Variants in CUL3 observed in about 807,000 individuals in gnomAD.
CUL3 encodes the protein cullin-3.
In CUL3, 19 loss-of-function variants were observed where a neutral mutation model predicts 89.1. That is an observed-to-expected ratio of 0.21 (90% confidence interval 0.15 to 0.31). The LOEUF (loss-of-function observed/expected upper bound fraction) is 0.31, where lower values mean the gene tolerates loss of function less well. CUL3 is among the 10% of genes least tolerant of loss of function. CUL3 has a pLI of 1.00. For missense variants in CUL3, 469 were observed against 942.3 expected (o/e 0.50, Z 6.58); for synonymous variants, 351 against 308.4 (o/e 1.14, Z -1.45).
chr2:224,499,030 CA>C (rs993582946), intron 11 of CUL3, among the ~76,000 whole-genome samples: 8 of 152,132 alleles, frequency 5.3e-5, no homozygotes, highest in African/African-American at 1.4e-4. Context: ...GAATACTCAA[CA>C]AAGATCCAGG....
intron 15 of CUL3, among the ~76,000 whole-genome samples, chr2:224,476,030 G>GT (rs36057054): frequency 0.018 from 2,705 of 147,582 alleles, 33 homozygotes; most frequent in Middle Eastern, 0.031. Flanking sequence ...TTTTTTATTA[G>GT]TTTTTTTTTT....
chr2:224,567,653 T>C (rs1695076488), intron 1 of CUL3, among the ~76,000 whole-genome samples: 2 of 151,422 alleles, frequency 1.3e-5, no homozygotes, highest in Admixed American at 1.3e-4. Flanking sequence ...GGCAGGAGAA[T>C]GGCGTGAACC....
chr2:224,505,650 A>G (rs1004298454), intron 8 of CUL3: 16 of 170,826 alleles, frequency 9.4e-5, no homozygotes, highest in Non-Finnish European at 1.2e-4. Flanking sequence ...TAACAAGGCT[A>G]ATTTCAAACT....
chr2:224,534,468 CCT>C (rs1217179284), intron 3 of CUL3, among the ~76,000 whole-genome samples: 8 of 152,214 alleles, frequency 5.3e-5, no homozygotes, highest in African/African-American at 1.9e-4. Context: ...AATATGACAT[CCT>C]CTCTCACTGA....
chr2:224,579,923 T>G (rs1559247100), intron 1 of CUL3, among the ~76,000 whole-genome samples: 1 of 152,226 alleles, frequency 6.6e-6, no homozygotes, highest in South Asian at 2.1e-4. Flanking sequence ...CAAACCCATG[T>G]GGGCAAAACC....
At chr2:224,514,505 G>C in intron 4 of CUL3, 107 bp downstream of exon 4, 1 of 945,058 alleles carries the variant, frequency 1.1e-6, no homozygotes, top group Non-Finnish European at 1.5e-6. Flanking sequence ...TTCCCAATGT[G>C]CTCAACATTC....
rs1016377367 is a variant in CUL3, at chr2:224,585,351, G to A, written c.-342C>T. On this transcript the variant is annotated 5_prime_UTR_variant, in exon 1 of 16. Coordinates refer to ENST00000264414, the MANE Select transcript of CUL3 (RefSeq NM_003590.5). Reference sequence around the variant, plus strand: ...GGACAAACATCTCACTGCGCAGGCCGAACGTCGTCCTCCTCCTCCTCCTTC... The same window carrying A: ...GGACAAACATCTCACTGCGCAGGCCAAACGTCGTCCTCCTCCTCCTCCTTC... The A allele has an allele frequency of 7.5e-6, 3 of 401,056 alleles. No individual in the cohort carries two copies. The highest frequency in any genetic ancestry group is 2.1e-5 in the African/African-American group (1 of 48,660). 24.8% of individuals were successfully genotyped at this position (401,056 alleles called of 1,614,324 possible).
At chr2:224,522,969 G>A (rs1259995679) in intron 3 of CUL3, among the ~76,000 whole-genome samples, 1 of 152,090 alleles carries the variant, frequency 6.6e-6, no homozygotes, top group East Asian at 1.9e-4. Context: ...CTCTAAAGTT[G>A]TGTAAACTGC....
In CUL3 at chr2:224,511,387, G is replaced by T. The variant is rs749336364; in HGVS notation, c.850C>A (p.Leu284Ile). 6.2e-7 allele frequency: 1 copy of T among 1,612,270 alleles called. No individual in the cohort carries two copies. Among genetic ancestry groups the T allele is most frequent in the Non-Finnish European group, 8.5e-7 (1 of 1,178,892 alleles). ...TTTCCATTTTTCAACATATGTACTA[G>T]CCCAGAATTCTCCATTTCTACTATA... ...KTIVEMENSG[L>I]VHMLKNGKTE... The change falls in exon 6 of 16, where the codon CTA (leucine) becomes ATA (isoleucine). Residue 284 changes from leucine to isoleucine, a missense_variant. By Grantham distance (5) the Leu-to-Ile change is conservative (BLOSUM62 2). This residue lies in a region of CUL3 where 370 missense variants were observed against 733.2 expected (regional missense o/e 0.50). Transcript: ENST00000264414.
chr2:224,502,116 T>C (rs3820761), intron 10 of CUL3, among the ~76,000 whole-genome samples: 28,063 of 152,020 alleles, frequency 0.18, 2,936 homozygotes, highest in South Asian at 0.27. Flanking sequence ...AATGTTTTCA[T>C]AGAAATGAAT....
intron 13 of CUL3, among the ~76,000 whole-genome samples, chr2:224,489,623 T>C (rs1266122202): frequency 6.6e-6 from 1 of 152,158 alleles, no homozygotes; most frequent in African/African-American, 2.4e-5. Flanking sequence ...ATAGGAAGAA[T>C]CAATATTGTG....
At chr2:224,488,512 C>A (rs549208757) in intron 13 of CUL3, among the ~76,000 whole-genome samples, 1 of 152,252 alleles carries the variant, frequency 6.6e-6, no homozygotes, top group East Asian at 1.9e-4. Flanking sequence ...ACTAGAAAAT[C>A]TGGAAGAAAT....
intron 13 of CUL3, among the ~76,000 whole-genome samples, chr2:224,490,306 T>C (rs1182092896): frequency 1.3e-5 from 2 of 152,172 alleles, no homozygotes; most frequent in Non-Finnish European, 2.9e-5. Context: ...CGGCATAAGC[T>C]GTCCTCTCTC....
At chr2:224,552,313 G>C (rs543597718) in intron 2 of CUL3, among the ~76,000 whole-genome samples, 1 of 152,178 alleles carries the variant, frequency 6.6e-6, no homozygotes, top group East Asian at 1.9e-4. Flanking sequence ...TTTTCTTATG[G>C]TGAGGTACAA....
chr2:224,523,789 G>A (rs550592789), intron 3 of CUL3, among the ~76,000 whole-genome samples: 12 of 152,332 alleles, frequency 7.9e-5, no homozygotes, highest in African/African-American at 2.6e-4. Flanking sequence ...TTAAGGACAT[G>A]CTAAGTGAAA....
chr2:224,506,675 T>C (rs940989053), intron 7 of CUL3, among the ~76,000 whole-genome samples, 183 bp downstream of exon 7: 1 of 152,198 alleles, frequency 6.6e-6, no homozygotes. Flanking sequence ...GAATTTTAGC[T>C]CCCTGATATA....
intron 2 of CUL3, among the ~76,000 whole-genome samples, chr2:224,546,767 C>T (rs1172521656): frequency 6.6e-6 from 1 of 151,922 alleles, no homozygotes; most frequent in Non-Finnish European, 1.5e-5. Flanking sequence ...CACTTTTAAG[C>T]CTCCTCTCCC....
chr2:224,544,735 T>C (rs910750342), intron 2 of CUL3, among the ~76,000 whole-genome samples: 1 of 150,018 alleles, frequency 6.7e-6, no homozygotes, highest in African/African-American at 2.5e-5. Context: ...CACAAACCTA[T>C]CAATAAAAGT....
intron 1 of CUL3, among the ~76,000 whole-genome samples, chr2:224,572,843 G>A (rs1695214246): frequency 6.6e-6 from 1 of 152,142 alleles, no homozygotes; most frequent in Non-Finnish European, 1.5e-5. Flanking sequence ...GTCGGAAGCA[G>A]ACAGCAGCCC....
Sources: allele counts gnomAD v4.1 joint callset (sites outside exome capture counted in the v4.1 genomes callset), GRCh38; gene constraint gnomAD v4.1.1; regional missense constraint gnomAD v4.1.1; transcripts MANE v1.5; gene names NCBI Gene and HGNC (gene_info 2026-07-23, HGNC 2026-07-21).